The following CSMD1 variants were observed in gnomAD, a reference collection of about 807,000 sequenced individuals.
CSMD1 encodes CUB and sushi domain-containing protein 1.
A neutral mutation model predicts 417.5 loss-of-function variants in CSMD1; 213 were observed. That is an observed-to-expected ratio of 0.51 (90% CI 0.46 to 0.57). The LOEUF is 0.57. Ranked by LOEUF, CSMD1 falls within the 20% of genes least tolerant of loss-of-function variation. The pLI is 0.00. For synonymous variants in CSMD1, 2,862 were observed against 1,736.8 expected (o/e 1.65, Z -16.11); for missense variants, 6,923 against 4,529.7 (o/e 1.53, Z -15.17).
rs370036701 is a variant in CSMD1, at chr8:4,479,475, A to G, written c.303-59410T>C. 5.2e-4 allele frequency among the ~76,000 whole-genome samples: 79 copies of G among 152,336 alleles called. 1 individual carries two copies. In the East Asian group the frequency reaches 7.7e-3, roughly 15 times the overall value. ...TGCAACTTACCATACAACCAAAATAACAAAGACCTTAATGGATTCTCAGTA... is the reference window on the plus strand; with the variant it reads ...TGCAACTTACCATACAACCAAAATAGCAAAGACCTTAATGGATTCTCAGTA... On this transcript the variant is annotated intron_variant, in intron 2 of 69. Transcript: ENST00000635120.
chr8:4,233,393 G>A (rs551683621), intron 3 of CSMD1, among the ~76,000 whole-genome samples: 101 of 152,256 alleles, frequency 6.6e-4, no homozygotes, highest in Middle Eastern at 3.4e-3. Context: ...TTCTGAAAGT[G>A]TTTTCCACAA....
intron 41 of CSMD1, among the ~76,000 whole-genome samples, chr8:3,141,180 T>C (rs768157783): frequency 3.3e-5 from 5 of 152,172 alleles, no homozygotes; most frequent in Non-Finnish European, 7.3e-5. Flanking sequence ...AGAGAGTGTG[T>C]GCAGGTGGGA....
At chr8:3,047,850 G>A (rs1811561492) in intron 50 of CSMD1, among the ~76,000 whole-genome samples, 1 of 152,172 alleles carries the variant, frequency 6.6e-6, no homozygotes, top group Admixed American at 6.5e-5. Flanking sequence ...ACCCAGCTAT[G>A]TGTGGCCTTT....
intron 5 of CSMD1, among the ~76,000 whole-genome samples, chr8:3,900,217 G>T (rs1156687058): frequency 3.3e-5 from 5 of 151,958 alleles, no homozygotes; most frequent in Non-Finnish European, 5.9e-5. Context: ...AGTGGAGCTG[G>T]GTGACAGTGT....
At chr8:4,651,234 A>T (rs868207444) in intron 1 of CSMD1, among the ~76,000 whole-genome samples, 4 of 152,222 alleles carry the variant, frequency 2.6e-5, no homozygotes, top group African/African-American at 9.6e-5. Context: ...TACCTGGCAA[A>T]CAGCAAGAGG....
intron 21 of CSMD1, among the ~76,000 whole-genome samples, chr8:3,350,363 A>C (rs2117654462): frequency 6.6e-6 from 1 of 152,082 alleles, no homozygotes; most frequent in African/African-American, 2.4e-5. Flanking sequence ...AACCTTCGTG[A>C]CATGTCAATA....
chr8:3,308,506 G>T lies in CSMD1; in HGVS notation c.3632-3C>A, dbSNP rs1218293087. Reference sequence around the variant, plus strand: ...CTCACATTTTACCAGATCAAAACCTGCAAGAGAGAAAGGCAAGGAATGAAC... The same window carrying T: ...CTCACATTTTACCAGATCAAAACCTTCAAGAGAGAAAGGCAAGGAATGAAC... On this transcript the variant is annotated splice_region_variant and splice_polypyrimidine_tract_variant and intron_variant, in intron 23 of 69. Transcript: ENST00000635120. 1 of 1,606,396 alleles carries T rather than the reference G, an allele frequency of 6.2e-7. No individual in the cohort carries two copies. The highest frequency in any genetic ancestry group is 8.5e-7 in the Non-Finnish European group (1 of 1,174,398).
chr8:3,722,196 C>G (rs1029837244), intron 6 of CSMD1, among the ~76,000 whole-genome samples: 1 of 152,122 alleles, frequency 6.6e-6, no homozygotes, highest in African/African-American at 2.4e-5. Flanking sequence ...GCAGGCCCAC[C>G]TACTCGGGAG....
At chr8:3,739,220 A>G (rs1416755068) in intron 6 of CSMD1, among the ~76,000 whole-genome samples, 1 of 152,206 alleles carries the variant, frequency 6.6e-6, no homozygotes, top group African/African-American at 2.4e-5. Context: ...CCTGTCCTCA[A>G]ACTTTTGTCC....
At chr8:4,613,861 A>AAG (rs1801324186) in intron 2 of CSMD1, among the ~76,000 whole-genome samples, 1 of 29,732 alleles carries the variant, frequency 3.4e-5, no homozygotes, top group Non-Finnish European at 5.7e-5. Context: ...GTCTAATGCC[A>AAG]AAAAAAAAAA....
At chr8:3,019,254 T>C (rs1276869791) in intron 51 of CSMD1, among the ~76,000 whole-genome samples, 1 of 151,346 alleles carries the variant, frequency 6.6e-6, no homozygotes. Flanking sequence ...CTGACAGGTA[T>C]AGCTGAACCA....
chr8:3,004,797 T>C (rs896464892), intron 52 of CSMD1, among the ~76,000 whole-genome samples: 1 of 152,176 alleles, frequency 6.6e-6, no homozygotes, highest in Non-Finnish European at 1.5e-5. Context: ...AATGGTCTGC[T>C]CCAGTGACTC....
chr8:4,910,641 G>C (rs933656121), intron 1 of CSMD1, among the ~76,000 whole-genome samples: 1 of 152,162 alleles, frequency 6.6e-6, no homozygotes. Flanking sequence ...CCATTTTGGG[G>C]ATTAGATTTT....
At chr8:3,068,237 G>T (rs1216040201) in intron 49 of CSMD1, among the ~76,000 whole-genome samples, 2 of 151,930 alleles carry the variant, frequency 1.3e-5, no homozygotes, top group Non-Finnish European at 2.9e-5. Context: ...TCATAGATTT[G>T]CTCATGTTCT....
intron 23 of CSMD1, among the ~76,000 whole-genome samples, chr8:3,329,418 A>C (rs1475109071): frequency 6.6e-6 from 1 of 152,030 alleles, no homozygotes; most frequent in East Asian, 1.9e-4. Context: ...AAGCAGATGG[A>C]GAGTTCGAGA....
chr8:4,229,051 A>G (rs906413768), intron 3 of CSMD1, among the ~76,000 whole-genome samples: 2 of 152,196 alleles, frequency 1.3e-5, no homozygotes, highest in African/African-American at 2.4e-5. Context: ...ACCACCTGGG[A>G]TATCAGACTA....
chr8:3,349,252 A>G (rs1808229873), intron 21 of CSMD1, among the ~76,000 whole-genome samples: 1 of 152,188 alleles, frequency 6.6e-6, no homozygotes, highest in Non-Finnish European at 1.5e-5. Flanking sequence ...TGACTTCTGC[A>G]TGCCCACTGC....
chr8:3,278,678 T>C (rs1336284156), intron 26 of CSMD1: 2 of 151,890 alleles, frequency 1.3e-5, no homozygotes, highest in Non-Finnish European at 2.9e-5. Flanking sequence ...CCCAGGTTCA[T>C]AAAGACAAAA....
chr8:4,329,571 AG>A (rs1799752631), intron 3 of CSMD1, among the ~76,000 whole-genome samples: 1 of 152,262 alleles, frequency 6.6e-6, no homozygotes, highest in Admixed American at 6.5e-5. Flanking sequence ...TAAAGGTGTG[AG>A]CCACCGCACG....
Sources: allele counts gnomAD v4.1 joint callset (sites outside exome capture counted in the v4.1 genomes callset), GRCh38; gene constraint gnomAD v4.1.1; transcripts MANE v1.5; gene names NCBI Gene and HGNC (gene_info 2026-07-23, HGNC 2026-07-21).